The following SPTBN1 variants were observed in gnomAD, a reference collection of about 807,000 sequenced individuals.
SPTBN1 encodes the protein spectrin beta chain, non-erythrocytic 1.
In SPTBN1, 32 loss-of-function variants were observed where a neutral mutation model predicts 266.4. The observed-to-expected ratio is 0.12, with a 90% CI of 0.09 to 0.16. The LOEUF (loss-of-function observed/expected upper bound fraction) is 0.16, where lower values mean the gene tolerates loss of function less well. SPTBN1 is among the 10% of genes least tolerant of loss of function. The pLI is 1.00. For missense variants in SPTBN1, 2,296 were observed against 3,067.1 expected, an observed-to-expected ratio of 0.75 and a Z score of 5.94; for synonymous variants, 1,336 against 1,162.2, an observed-to-expected ratio of 1.15 and a Z score of -3.04.
intron 1 of SPTBN1, among the ~76,000 whole-genome samples, chr2:54,458,724 G>A (rs1052839303): frequency 6.6e-6 from 1 of 152,166 alleles, no homozygotes; most frequent in Non-Finnish European, 1.5e-5. Flanking sequence ...TCATTATTCA[G>A]TGTGGGATGG....
chr2:54,543,037 T>C (rs1257726411), intron 2 of SPTBN1, among the ~76,000 whole-genome samples: 10 of 152,208 alleles, frequency 6.6e-5, no homozygotes, highest in Non-Finnish European at 1.5e-4. Context: ...GAATACACTT[T>C]GGAGGTCCTC....
intron 2 of SPTBN1, among the ~76,000 whole-genome samples, chr2:54,597,786 C>G (rs2103672763): frequency 6.6e-6 from 1 of 151,932 alleles, no homozygotes; most frequent in East Asian, 1.9e-4. Context: ...TGGGCACATG[C>G]CTTATTAGCA....
At chr2:54,658,947 C>G (rs1277120213) in intron 30 of SPTBN1, among the ~76,000 whole-genome samples, 1 of 152,158 alleles carries the variant, frequency 6.6e-6, no homozygotes, top group Non-Finnish European at 1.5e-5. Flanking sequence ...TTTTGCCAGC[C>G]CATGGAATAG....
intron 27 of SPTBN1, among the ~76,000 whole-genome samples, chr2:54,654,652 T>G (rs1010775266): frequency 1.3e-5 from 2 of 152,194 alleles, no homozygotes; most frequent in Non-Finnish European, 2.9e-5. Context: ...CTCTTTGATA[T>G]GGCCATCCTG....
intron 32 of SPTBN1, chr2:54,662,082 T>C (rs758685598): frequency 1.0e-6 from 1 of 985,342 alleles, no homozygotes; most frequent in Admixed American, 6.1e-5. Context: ...GTTGCATTCA[T>C]GTTCACCTCC....
At chr2:54,600,969 C>T (rs1170066139) in intron 3 of SPTBN1, among the ~76,000 whole-genome samples, 2 of 151,824 alleles carry the variant, frequency 1.3e-5, no homozygotes, top group Non-Finnish European at 2.9e-5. Flanking sequence ...GGGATCAGGC[C>T]CATTGCCGTT....
At chr2:54,658,580 G>C (rs963748138) in intron 30 of SPTBN1, among the ~76,000 whole-genome samples, 1 of 152,150 alleles carries the variant, frequency 6.6e-6, no homozygotes, top group Non-Finnish European at 1.5e-5. Flanking sequence ...TACAAAAATG[G>C]TGTTTCTGGT....
intron 1 of SPTBN1, among the ~76,000 whole-genome samples, chr2:54,510,032 C>T (rs528093364): frequency 1.5e-4 from 22 of 151,144 alleles, no homozygotes; most frequent in Admixed American, 1.2e-3. Flanking sequence ...GGTTTCTGCT[C>T]ACTGCAACCT....
chr2:54,528,290 C>G (rs1424492834), intron 2 of SPTBN1: 1 of 152,568 alleles, frequency 6.6e-6, no homozygotes, highest in Non-Finnish European at 1.5e-5. Context: ...TATGTATTAT[C>G]TCCTTTCTAA....
chr2:54,617,814 C>A (rs751069810), intron 6 of SPTBN1, 126 bp downstream of exon 6: 1 of 880,242 alleles, frequency 1.1e-6, no homozygotes, highest in Non-Finnish European at 1.8e-6. Context: ...TTTCTGCATT[C>A]CATGTGAGGA....
intron 2 of SPTBN1, among the ~76,000 whole-genome samples, chr2:54,565,218 A>C (rs77735412): frequency 0.068 from 10,368 of 152,276 alleles, 463 homozygotes; most frequent in African/African-American, 0.12. Flanking sequence ...CAATCTTTGC[A>C]AAATTTTGTG....
At chr2:54,660,337 T>G in intron 32 of SPTBN1, 1 of 1,251,260 alleles carries the variant, frequency 8.0e-7, no homozygotes, top group East Asian at 3.6e-5. Flanking sequence ...GCGAAACCCT[T>G]ACATGAGTAA....
In SPTBN1 at chr2:54,645,022, G is replaced by C. The variant is rs1466157603; in HGVS notation, c.4270-207G>C. On this transcript the variant is annotated intron_variant, in intron 20 of 35. Coordinates refer to ENST00000356805, the MANE Select transcript of SPTBN1 (RefSeq NM_003128.3). The surrounding 1 kb of genome is among the most constrained non-coding windows in gnomAD (Gnocchi z 4.3). ...ACTGTTTATATTATATCACCGTAGAGGGCTTTAAGGGCAAATGAATTTACC... is the reference window on the plus strand; with the variant it reads ...ACTGTTTATATTATATCACCGTAGACGGCTTTAAGGGCAAATGAATTTACC... The C allele has an allele frequency of 1.7e-6, 1 of 590,466 alleles. No homozygotes were observed. Among genetic ancestry groups the C allele is most frequent in the East Asian group, 2.9e-5 (1 of 34,732 alleles). The allele number at this position is 590,466 out of a possible 1,614,324, so 36.6% of individuals were successfully genotyped here. A position where few individuals can be genotyped will look rare whatever the true frequency, so the allele number is the denominator to read the frequency against.
At chr2:54,588,271 T>C (rs150531255) in intron 2 of SPTBN1, among the ~76,000 whole-genome samples, 2 of 152,302 alleles carry the variant, frequency 1.3e-5, no homozygotes, top group Admixed American at 6.5e-5. Flanking sequence ...AAGAGGCTAC[T>C]GGCTGAAGTT....
intron 1 of SPTBN1, among the ~76,000 whole-genome samples, chr2:54,473,822 C>T (rs1007880272): frequency 6.6e-6 from 1 of 152,172 alleles, no homozygotes; most frequent in Non-Finnish European, 1.5e-5. Flanking sequence ...TTAAATTTTA[C>T]ACATGTATAT....
At chr2:54,522,600 C>T (rs1005474809) in intron 1 of SPTBN1, among the ~76,000 whole-genome samples, 1 of 148,052 alleles carries the variant, frequency 6.8e-6, no homozygotes, top group African/African-American at 2.5e-5. Context: ...CACTGCACTC[C>T]AGCCTGGGTG....
intron 1 of SPTBN1, among the ~76,000 whole-genome samples, chr2:54,512,193 C>T (rs1669891584): frequency 6.6e-6 from 1 of 152,146 alleles, no homozygotes; most frequent in African/African-American, 2.4e-5. Context: ...GCTGTGTGGC[C>T]TCGGGGTTGG....
In SPTBN1 at chr2:54,645,338, G is replaced by A. The variant is rs985238136; in HGVS notation, c.4379G>A (p.Arg1460His). ...AGCACCGACGAGGTAGACAGCAAGC[G>A]CCTCACCGTGCAGACCAAGTTCATG... ...GKSTDEVDSK[R>H]LTVQTKFMEL... The change falls in exon 21 of 36, where the codon CGC becomes CAC. Residue 1460 changes from arginine to histidine, a missense_variant. By Grantham distance (29) the Arg-to-His change is conservative (BLOSUM62 0). Around this residue, in one of 12 missense-constraint regions of SPTBN1, gnomAD observed 386 missense variants for 486.1 expected, o/e 0.79. Coordinates refer to ENST00000356805, the MANE Select transcript of SPTBN1 (RefSeq NM_003128.3). The surrounding 1 kb of genome is among the most constrained non-coding windows in gnomAD (Gnocchi z 4.3). The A allele has an allele frequency of 1.2e-6, 2 of 1,614,212 alleles. No homozygotes were observed. The highest frequency in any genetic ancestry group is 1.6e-4 in the Middle Eastern group (1 of 6,062).
At chr2:54,617,543 T>C in intron 5 of SPTBN1, 65 bp from the exon 6 acceptor site, 1 of 1,512,872 alleles carries the variant, frequency 6.6e-7, no homozygotes, top group South Asian at 1.2e-5. Context: ...ACAAAGCACT[T>C]GGCAAAAGTA....
Sources: allele counts gnomAD v4.1 joint callset (sites outside exome capture counted in the v4.1 genomes callset), GRCh38; gene constraint gnomAD v4.1.1; regional missense constraint gnomAD v4.1.1; non-coding constraint Gnocchi (gnomAD v3.1); transcripts MANE v1.5; gene names NCBI Gene and HGNC (gene_info 2026-07-23, HGNC 2026-07-21).